Variants in WWOX observed in about 807,000 individuals in gnomAD.
The protein encoded by WWOX is WW domain containing oxidoreductase, also known as WW domain-containing oxidoreductase.
A neutral mutation model predicts 46.2 loss-of-function variants in WWOX; 69 were observed. The ratio of observed to expected loss-of-function variants is 1.49; its 90% CI spans 1.23 to 1.82. WWOX has a LOEUF of 1.82. Ranked by LOEUF, WWOX falls within the 40% of genes most tolerant of loss-of-function variation. The pLI, the probability that WWOX is intolerant of heterozygous loss-of-function variation, is 0.00. For synonymous variants in WWOX, 359 were observed against 202.6 expected (o/e 1.77, Z -6.56); for missense variants, 919 against 542.6 (o/e 1.69, Z -6.89).
rs796587242 is a variant in WWOX, at chr16:78,495,149, T to C, written c.1056+62397T>C. Among the ~76,000 whole-genome samples the C allele has an allele frequency of 9.8e-5, 14 of 143,048 alleles. 1 individual carries two copies. Among genetic ancestry groups the C allele is most frequent in the African/African-American group, 2.7e-4 (11 of 40,208 alleles). 93.8% of individuals were successfully genotyped at this position (143,048 alleles called of 152,430 possible). ...TTAGTAGTAGACTGTTGTGTTCTTT[T>C]TTTTTTTTTTGAGATAGACTCTTGC... On this transcript the variant is annotated intron_variant, in intron 8 of 8. Transcript: ENST00000566780.
chr16:78,976,192 T>G (rs963892382), intron 8 of WWOX, among the ~76,000 whole-genome samples: 1 of 152,218 alleles, frequency 6.6e-6, no homozygotes, highest in African/African-American at 2.4e-5. Context: ...GATGAAAGAA[T>G]GAACAAATGA....
intron 8 of WWOX, among the ~76,000 whole-genome samples, chr16:79,118,006 A>G (rs1443448038): frequency 1.3e-5 from 2 of 152,196 alleles, no homozygotes; most frequent in African/African-American, 4.8e-5. Context: ...TAGCACTTTT[A>G]ATTTCCTTCA....
intron 8 of WWOX, among the ~76,000 whole-genome samples, chr16:79,177,791 A>G (rs971862996): frequency 3.3e-5 from 5 of 152,198 alleles, no homozygotes; most frequent in Admixed American, 2.0e-4. Flanking sequence ...GGCTTTGTGG[A>G]CCATAGGGCC....
intron 8 of WWOX, among the ~76,000 whole-genome samples, chr16:79,179,389 T>A (rs1230971344): frequency 6.6e-6 from 1 of 152,194 alleles, no homozygotes. Flanking sequence ...GGGTACACTT[T>A]CCACCCTCCC....
At chr16:79,116,558 A>G (rs575646728) in intron 8 of WWOX, among the ~76,000 whole-genome samples, 1 of 152,214 alleles carries the variant, frequency 6.6e-6, no homozygotes, top group East Asian at 1.9e-4. Flanking sequence ...CATCCATTCA[A>G]GTTTTCTCAT....
chr16:78,660,831 G>C (rs1307825815), intron 8 of WWOX, among the ~76,000 whole-genome samples: 1 of 152,142 alleles, frequency 6.6e-6, no homozygotes, highest in African/African-American at 2.4e-5. Flanking sequence ...ATGCAACTGA[G>C]ACTATTGGCT....
chr16:78,988,987 G>T (rs1294965521), intron 8 of WWOX, among the ~76,000 whole-genome samples: 5 of 152,184 alleles, frequency 3.3e-5, no homozygotes, highest in Non-Finnish European at 5.9e-5. Context: ...CTGAGTTCCT[G>T]TACAACCTGA....
At chr16:79,062,528 T>A (rs1473534861) in intron 8 of WWOX, among the ~76,000 whole-genome samples, 3 of 152,188 alleles carry the variant, frequency 2.0e-5, no homozygotes, top group East Asian at 3.9e-4. Flanking sequence ...GAGTGTGACT[T>A]TATGGGATTC....
At chr16:78,994,864 T>A (rs2046955822) in intron 8 of WWOX, among the ~76,000 whole-genome samples, 1 of 151,956 alleles carries the variant, frequency 6.6e-6, no homozygotes, top group Admixed American at 6.6e-5. Context: ...GTGAAGCCAT[T>A]ATTATAATGT....
chr16:78,552,080 G>A (rs1039909972), intron 8 of WWOX: 3 of 152,198 alleles, frequency 2.0e-5, no homozygotes, highest in African/African-American at 7.2e-5. Context: ...GGCTCCCTCT[G>A]GAAAGAAAAT....
rs982372979 is a variant in WWOX at position 78,136,952 on chromosome 16, A to C, written c.409+21798A>C. Among the ~76,000 whole-genome samples, 5 of 152,324 alleles carry C rather than the reference A, an allele frequency of 3.3e-5. No individual in the cohort carries two copies. The South Asian group carries it at 8.3e-4, about 25-fold the overall frequency. ...TCATGCAGCATGTTCAAGACAGTGCAGGAGAGCAGGGTGTGTGCTCTCTGT... is the reference window on the plus strand; with the variant it reads ...TCATGCAGCATGTTCAAGACAGTGCCGGAGAGCAGGGTGTGTGCTCTCTGT... On this transcript the variant is annotated intron_variant, in intron 4 of 8. Coordinates refer to ENST00000566780, the MANE Select transcript of WWOX (RefSeq NM_016373.4).
rs1374455255 is a variant in WWOX, at chr16:78,780,760, A to G, written c.1056+348008A>G. Among the ~76,000 whole-genome samples the G allele has an allele frequency of 3.3e-5, 5 of 152,214 alleles. No individual in the cohort carries two copies. In the South Asian group the frequency reaches 1.0e-3, roughly 32 times the overall value. ...GCTCAGCCTCTTTGTTAGCTAGAAC[A>G]AGAAAGGGGCCCGTATGGCTAGCAT... On this transcript the variant is annotated intron_variant, in intron 8 of 8. Transcript: ENST00000566780.
chr16:79,138,017 T>G (rs1315007886), intron 8 of WWOX, among the ~76,000 whole-genome samples: 1 of 152,198 alleles, frequency 6.6e-6, no homozygotes, highest in Non-Finnish European at 1.5e-5. Flanking sequence ...GGGAAATGTT[T>G]TACCCAAACT....
chr16:78,811,717 C>G (rs2051194477), intron 8 of WWOX, among the ~76,000 whole-genome samples: 1 of 151,972 alleles, frequency 6.6e-6, no homozygotes, highest in Non-Finnish European at 1.5e-5. Flanking sequence ...ATGAGGGGAC[C>G]CATCCTCAAG....
At position 78,605,888 on chromosome 16, in the gene WWOX, A is replaced by G. The variant is rs191199623; in HGVS notation, c.1056+173136A>G. On this transcript the variant is annotated intron_variant, in intron 8 of 8. Coordinates refer to ENST00000566780, the MANE Select transcript of WWOX (RefSeq NM_016373.4). The stretch of plus-strand genomic sequence containing the variant: ...CACCATATTTGGCCCTATAATTAAT[A>G]TGCAAGTTCAAATACCTCTTGCATG... 2.9e-3 allele frequency among the ~76,000 whole-genome samples: 437 copies of G among 152,296 alleles called. 2 individuals are homozygous for G. The highest frequency in any genetic ancestry group is 0.01 in the African/African-American group (417 of 41,562).
intron 5 of WWOX, among the ~76,000 whole-genome samples, chr16:78,371,915 A>G (rs1216190738): frequency 6.6e-6 from 1 of 152,220 alleles, no homozygotes; most frequent in Non-Finnish European, 1.5e-5. Flanking sequence ...GCTTAACACA[A>G]TGGTAATTTA....
intron 8 of WWOX, among the ~76,000 whole-genome samples, chr16:78,907,701 G>C (rs2045002175): frequency 6.6e-6 from 1 of 152,188 alleles, no homozygotes; most frequent in Admixed American, 6.5e-5. Flanking sequence ...AGCAAAGACA[G>C]TTGGGTAAGT....
At chr16:78,447,324 T>C (rs2083585111) in intron 8 of WWOX, among the ~76,000 whole-genome samples, 1 of 152,264 alleles carries the variant, frequency 6.6e-6, no homozygotes, top group Admixed American at 6.5e-5. Flanking sequence ...GCATTTGCTA[T>C]AAATTAGTAA....
At chr16:78,165,470 G>C (rs1370092077) in intron 5 of WWOX, among the ~76,000 whole-genome samples, 2 of 152,100 alleles carry the variant, frequency 1.3e-5, no homozygotes, top group African/African-American at 4.8e-5. Context: ...GGAGACCTTT[G>C]GGGTCCCCAA....
Sources: allele counts gnomAD v4.1 joint callset (sites outside exome capture counted in the v4.1 genomes callset), GRCh38; gene constraint gnomAD v4.1.1; transcripts MANE v1.5; gene names NCBI Gene and HGNC (gene_info 2026-07-23, HGNC 2026-07-21).